LHFPL3: variants seen among roughly 807,000 people sequenced by gnomAD.
The protein encoded by LHFPL3 is LHFPL tetraspan subfamily member 3 protein.
In LHFPL3, 5 loss-of-function variants were observed where a neutral mutation model predicts 19.3. The observed-to-expected ratio is 0.26, with a 90% CI of 0.14 to 0.54. The LOEUF is 0.54. Among genes scored for constraint, LHFPL3 ranks in the 20% least tolerant of loss-of-function variants. LHFPL3 has a pLI of 0.94. For synonymous variants in LHFPL3, 133 were observed against 126.2 expected (o/e 1.05, Z -0.36); for missense variants, 249 against 307.4 (o/e 0.81, Z 1.42).
intron 2 of LHFPL3, among the ~76,000 whole-genome samples, chr7:104,888,397 G>A (rs1410775943): frequency 1.3e-5 from 2 of 152,134 alleles, no homozygotes; most frequent in Non-Finnish European, 2.9e-5. Context: ...AGGTGTTGTG[G>A]CACATGCCTG....
At chr7:104,402,790 T>C (rs1791341122) in intron 1 of LHFPL3, among the ~76,000 whole-genome samples, 2 of 152,246 alleles carry the variant, frequency 1.3e-5, no homozygotes, top group Admixed American at 1.3e-4. Context: ...TTGTTAGCTC[T>C]AAATTATTTC....
intron 1 of LHFPL3, among the ~76,000 whole-genome samples, chr7:104,379,490 G>A (rs935906384): frequency 5.3e-5 from 8 of 152,174 alleles, no homozygotes; most frequent in Non-Finnish European, 1.2e-4. Flanking sequence ...GGATAATGAT[G>A]CATTGAGAGA....
chr7:104,762,823 T>A (rs10953450), intron 2 of LHFPL3, among the ~76,000 whole-genome samples: 36,365 of 152,110 alleles, frequency 0.24, 4,595 homozygotes, highest in South Asian at 0.47. Context: ...TCGCTAATAA[T>A]TGGCTAAGCA....
chr7:104,524,638 T>G (rs905807372), intron 1 of LHFPL3, among the ~76,000 whole-genome samples: 9 of 152,148 alleles, frequency 5.9e-5, no homozygotes, highest in Non-Finnish European at 1.5e-5. Context: ...ATTGTTCGAG[T>G]CTTATAAAAT....
At chr7:104,477,055 A>G (rs897467332) in intron 1 of LHFPL3, among the ~76,000 whole-genome samples, 1 of 152,120 alleles carries the variant, frequency 6.6e-6, no homozygotes, top group Non-Finnish European at 1.5e-5. Context: ...TAGTGGTGCA[A>G]ACACGGCTCA....
chr7:104,730,960 A>G (rs892312288), intron 1 of LHFPL3, among the ~76,000 whole-genome samples: 5 of 152,244 alleles, frequency 3.3e-5, no homozygotes, highest in African/African-American at 1.2e-4. Flanking sequence ...AGCTTTCTAC[A>G]TATGGCTAGC....
At chr7:104,830,404 C>G (rs1584561435) in intron 2 of LHFPL3, among the ~76,000 whole-genome samples, 1 of 151,862 alleles carries the variant, frequency 6.6e-6, no homozygotes, top group Admixed American at 6.5e-5. Flanking sequence ...GAAGTCCTTG[C>G]CCATGCCTAT....
chr7:104,527,441 G>T (rs1443923735), intron 1 of LHFPL3, among the ~76,000 whole-genome samples: 3 of 152,144 alleles, frequency 2.0e-5, no homozygotes, highest in Non-Finnish European at 4.4e-5. Context: ...GGTGTGGACA[G>T]ATTTGGGATA....
intron 1 of LHFPL3, among the ~76,000 whole-genome samples, chr7:104,508,173 G>A (rs895903150): frequency 3.5e-4 from 53 of 152,006 alleles, no homozygotes; most frequent in South Asian, 8.3e-4. Context: ...TGTTTATTGC[G>A]GCATTATTCA....
chr7:104,358,758 T>A (rs1304684869), intron 1 of LHFPL3, among the ~76,000 whole-genome samples: 1 of 152,216 alleles, frequency 6.6e-6, no homozygotes, highest in Non-Finnish European at 1.5e-5. Context: ...GCTAGGTTAT[T>A]GTACTGGGGT....
intron 2 of LHFPL3, among the ~76,000 whole-genome samples, chr7:104,869,005 G>A (rs1429489797): frequency 6.6e-6 from 1 of 152,110 alleles, no homozygotes; most frequent in East Asian, 1.9e-4. Flanking sequence ...AATGGTGCTG[G>A]GAAAACTGGC....
At chr7:104,608,197 G>A (rs1167036047) in intron 1 of LHFPL3, among the ~76,000 whole-genome samples, 1 of 151,932 alleles carries the variant, frequency 6.6e-6, no homozygotes, top group East Asian at 1.9e-4. Context: ...ACATGCACAC[G>A]TATGTTTATT....
intron 1 of LHFPL3, among the ~76,000 whole-genome samples, chr7:104,365,344 G>C (rs1693604042): frequency 6.6e-6 from 1 of 151,880 alleles, no homozygotes; most frequent in South Asian, 2.1e-4. Flanking sequence ...GTGGGAGCGA[G>C]TGGTAAAAAG....
At chr7:104,569,105 G>C (rs958250305) in intron 1 of LHFPL3, among the ~76,000 whole-genome samples, 2 of 152,098 alleles carry the variant, frequency 1.3e-5, no homozygotes, top group Admixed American at 6.5e-5. Flanking sequence ...GCTCTGGATA[G>C]ATGGACAACT....
intron 1 of LHFPL3, among the ~76,000 whole-genome samples, chr7:104,378,203 A>G (rs1354176356): frequency 6.6e-6 from 1 of 152,168 alleles, no homozygotes; most frequent in Non-Finnish European, 1.5e-5. Flanking sequence ...TAGCACCCCT[A>G]ACACTTCCCT....
intron 2 of LHFPL3, among the ~76,000 whole-genome samples, chr7:104,814,729 G>GTGCCCAAA (rs1394067941): frequency 6.6e-6 from 1 of 152,232 alleles, no homozygotes; most frequent in African/African-American, 2.4e-5. Flanking sequence ...ATGCTCGTCA[G>GTGCCCAAA]TGCCCAAATT....
At chr7:104,564,442 C>G (rs1790080019) in intron 1 of LHFPL3, among the ~76,000 whole-genome samples, 1 of 152,162 alleles carries the variant, frequency 6.6e-6, no homozygotes, top group Admixed American at 6.5e-5. Context: ...CAAATATTTA[C>G]TGAGGGCCTG....
intron 2 of LHFPL3, among the ~76,000 whole-genome samples, chr7:104,889,022 A>G (rs1792197870): frequency 6.6e-6 from 1 of 152,222 alleles, no homozygotes; most frequent in Admixed American, 6.5e-5. Flanking sequence ...GAAGAAAAAA[A>G]AGAAGTAAAG....
At chr7:104,390,103 T>C (rs957904492) in intron 1 of LHFPL3, among the ~76,000 whole-genome samples, 1 of 151,786 alleles carries the variant, frequency 6.6e-6, no homozygotes, top group South Asian at 2.1e-4. Flanking sequence ...AAATATCATA[T>C]ATCTGTTAAG....
Sources: allele counts gnomAD v4.1 joint callset (sites outside exome capture counted in the v4.1 genomes callset), GRCh38; gene constraint gnomAD v4.1.1; transcripts MANE v1.5; gene names NCBI Gene and HGNC (gene_info 2026-07-23, HGNC 2026-07-21).